The following PKHD1L1 variants were observed in gnomAD, a reference collection of about 807,000 sequenced individuals.
The protein encoded by PKHD1L1 is fibrocystin-L.
PKHD1L1 carries 434 observed loss-of-function variants against 462.9 expected under a neutral mutation model. That is an observed-to-expected ratio of 0.94 (90% CI 0.87 to 1.02). The LOEUF is 1.02. Among genes scored for constraint, PKHD1L1 ranks in the 50% least tolerant of loss-of-function variants. The pLI is 0.00. For missense variants in PKHD1L1, 5,202 were observed against 5,096.1 expected (o/e 1.02, Z -0.63); for synonymous variants, 1,781 against 1,750.0 (o/e 1.02, Z -0.44).
At position 109,518,205 on chromosome 8, in the gene PKHD1L1, GA is replaced by G. The variant is rs1200589045; in HGVS notation, c.11732del (p.Asn3911ThrfsTer27). 1 of 1,608,374 alleles carries G rather than the reference GA, an allele frequency of 6.2e-7. No individual in the cohort carries two copies. The highest frequency in any genetic ancestry group is 2.2e-5 in the East Asian group (1 of 44,746). ...TAACCTGGATTCCACTGTCCTTGGT[GA>G]AAACTACTTTGATGGAACCTACCAG... ...LPNLDSTVLG[E>X]NYFDGTYQML... On this transcript the variant is annotated frameshift_variant, in exon 73 of 78. Coordinates refer to ENST00000378402, the MANE Select transcript of PKHD1L1 (RefSeq NM_177531.6). LOFTEE classifies it high-confidence loss of function.
chr8:109,506,752 A>G (rs1819711150), intron 68 of PKHD1L1, among the ~76,000 whole-genome samples: 2 of 152,290 alleles, frequency 1.3e-5, no homozygotes, highest in South Asian at 4.1e-4. Flanking sequence ...TATCTTTCTC[A>G]TAGCAAAAAG....
At chr8:109,466,469 C>A in intron 49 of PKHD1L1, 109 bp from the exon 50 acceptor site, 3 of 1,146,276 alleles carry the variant, frequency 2.6e-6, no homozygotes, top group Non-Finnish European at 3.5e-6. Flanking sequence ...ACTACCCAGA[C>A]TTTTAGACTG....
chr8:109,389,274 T>G (rs927828702), intron 8 of PKHD1L1, 122 bp downstream of exon 8: 3 of 690,808 alleles, frequency 4.3e-6, no homozygotes, highest in South Asian at 2.6e-5. Context: ...TTGTTTGTTT[T>G]TTGTATTTTC....
In PKHD1L1 at chr8:109,466,667, G is replaced by A. The variant is rs1817457643; in HGVS notation, c.8503G>A (p.Gly2835Arg). 1.2e-6 allele frequency: 2 copies of A among 1,611,338 alleles called. No individual in the cohort carries two copies. The highest frequency in any genetic ancestry group is 1.7e-6 in the Non-Finnish European group (2 of 1,178,832). ...QEAEWSIGFP[G>R]SVCDASVSFH... ...AGCTGAGTGGAGCATTGGGTTCCCT[G>A]GATCAGTCTGTGATGCTTCAGTCAG... is the stretch of plus-strand genomic sequence containing the variant. Residue 2835 changes from glycine to arginine, a missense_variant, in exon 50 of 78, where the codon GGA (glycine) becomes AGA (arginine). This residue lies in a region of PKHD1L1 where 4,497 missense variants were observed against 4,336.8 expected (regional missense o/e 1.04). Coordinates refer to ENST00000378402, the MANE Select transcript of PKHD1L1 (RefSeq NM_177531.6).
intron 4 of PKHD1L1, among the ~76,000 whole-genome samples, chr8:109,383,188 T>TAA (rs1812236586): frequency 4.7e-5 from 5 of 105,836 alleles, no homozygotes; most frequent in African/African-American, 1.9e-4. Flanking sequence ...ATATATATAA[T>TAA]TATATATAAT....
chr8:109,364,075 T>A (rs149350809), intron 1 of PKHD1L1, among the ~76,000 whole-genome samples: 4 of 152,170 alleles, frequency 2.6e-5, no homozygotes, highest in African/African-American at 7.2e-5. Context: ...TCACAGAAAA[T>A]AATTTCTTCT....
In PKHD1L1 at chr8:109,506,373, A is replaced by G. The variant is rs544115712; in HGVS notation, c.10995-1290A>G. Among the ~76,000 whole-genome samples, 85 of 152,326 alleles carry G rather than the reference A, an allele frequency of 5.6e-4. No homozygotes were observed. In the South Asian group the frequency reaches 7.2e-3, roughly 13 times the overall value. On this transcript the variant is annotated intron_variant, in intron 68 of 77. Transcript: ENST00000378402. ...TAAAATGACTGACTGATTCAGGAGT[A>G]CAAGACTGGCTGCTTTGTCTTAAGG...
intron 40 of PKHD1L1, among the ~76,000 whole-genome samples, chr8:109,450,590 G>T (rs937871708): frequency 9.2e-5 from 14 of 152,120 alleles, no homozygotes; most frequent in African/African-American, 3.1e-4. Context: ...TGTAGTCCTT[G>T]TCTCTGACCT....
rs768821957 is a variant in PKHD1L1, at chr8:109,419,226, C to T, written c.2490C>T (p.Tyr830=). 6.2e-7 allele frequency: 1 copy of T among 1,610,488 alleles called. No homozygotes were observed. Among genetic ancestry groups the T allele is most frequent in the South Asian group, 1.1e-5 (1 of 90,524 alleles). Reference sequence around the variant, plus strand: ...AGTCCTTCTATGTGGATGTAGTGTACATTGGACACACATCTACAATCTCAA... The same window carrying T: ...AGTCCTTCTATGTGGATGTAGTGTATATTGGACACACATCTACAATCTCAA... ...ESQSFYVDVV[Y]IGHTSTISTL... Residue 830 remains tyrosine, a synonymous_variant, in exon 22 of 78, where the codon TAC becomes TAT. Coordinates refer to ENST00000378402, the MANE Select transcript of PKHD1L1 (RefSeq NM_177531.6).
At chr8:109,417,307 A>T (rs1586467690) in intron 21 of PKHD1L1, among the ~76,000 whole-genome samples, 1 of 152,132 alleles carries the variant, frequency 6.6e-6, no homozygotes, top group Non-Finnish European at 1.5e-5. Context: ...CATCTCATGT[A>T]CCCCACAAAT....
chr8:109,508,128 T>A lies in PKHD1L1; in HGVS notation c.11259T>A (p.Leu3753=). The part of the protein sequence containing the change: ...GIIRDSTCKY[L]PEWQSYQCFG... The stretch of plus-strand genomic sequence containing the variant: ...TTAGAGATTCAACCTGTAAGTACCT[T>A]CCAGAGTGGCAGAGCTATCAGTGCT... Residue 3753 remains leucine, a synonymous_variant, in exon 70 of 78, where the codon CTT becomes CTA. Coordinates refer to ENST00000378402, the MANE Select transcript of PKHD1L1 (RefSeq NM_177531.6). The A allele has an allele frequency of 6.2e-7, 1 of 1,612,482 alleles. No homozygotes were observed. Among genetic ancestry groups the A allele is most frequent in the Non-Finnish European group, 8.5e-7 (1 of 1,179,044 alleles).
intron 2 of PKHD1L1, among the ~76,000 whole-genome samples, chr8:109,375,160 T>G (rs1811745257): frequency 6.6e-6 from 1 of 152,210 alleles, no homozygotes; most frequent in South Asian, 2.1e-4. Flanking sequence ...GATTTGGTCT[T>G]TTCACATAGT....
At chr8:109,520,093 C>T (rs1051798585) in intron 73 of PKHD1L1, among the ~76,000 whole-genome samples, 4 of 152,076 alleles carry the variant, frequency 2.6e-5, no homozygotes, top group African/African-American at 9.7e-5. Context: ...GAAGGCTTGC[C>T]TGTGTGGAGG....
At chr8:109,466,464 C>A in intron 49 of PKHD1L1, 114 bp from the exon 50 acceptor site, 1 of 1,086,350 alleles carries the variant, frequency 9.2e-7, no homozygotes. Context: ...ACAAAACTAC[C>A]CAGACTTTTA....
At chr8:109,446,890 T>G (rs1194202257) in intron 38 of PKHD1L1, among the ~76,000 whole-genome samples, 1 of 152,118 alleles carries the variant, frequency 6.6e-6, no homozygotes, top group Non-Finnish European at 1.5e-5. Context: ...CAAGCAAAAT[T>G]AAATGTTAAG....
intron 18 of PKHD1L1, among the ~76,000 whole-genome samples, chr8:109,408,730 G>T (rs1813690608): frequency 6.6e-6 from 1 of 152,106 alleles, no homozygotes; most frequent in African/African-American, 2.4e-5. Flanking sequence ...AACAAAAAGG[G>T]TCAAAAAGAT....
In PKHD1L1 at chr8:109,443,683, T is replaced by C. The variant is rs1244810586; in HGVS notation, c.4572T>C (p.Pro1524=). ...CAGTTCTTTTGTCTAAAGGAGGACCTGAGAATTTGCACTTGGGAAGCTCTG... is the reference window on the plus strand; with the variant it reads ...CAGTTCTTTTGTCTAAAGGAGGACCCGAGAATTTGCACTTGGGAAGCTCTG... ...RSEATYAYGG[P]ENLHLGSSVA... is the part of the protein sequence containing the mutation. Residue 1524 remains proline (P), a synonymous_variant, in exon 37 of 78, where the codon CCT becomes CCC. Transcript: ENST00000378402. 6.2e-7 allele frequency: 1 copy of C among 1,610,768 alleles called. No homozygotes were observed. The highest frequency in any genetic ancestry group is 2.2e-5 in the East Asian group (1 of 44,838).
In PKHD1L1 at chr8:109,477,149, A is replaced by G. The variant is rs958250140; in HGVS notation, c.8918-76A>G. 7.4e-6 allele frequency: 11 copies of G among 1,491,108 alleles called. No homozygotes were observed. In the African/African-American group the frequency reaches 1.3e-4, roughly 17 times the overall value. 92.4% of individuals were successfully genotyped at this position (1,491,108 alleles called of 1,614,324 possible). A position where few individuals can be genotyped will look rare whatever the true frequency, so the allele number is the denominator to read the frequency against. ...AGTTACTACCTAAAGAACATTTTCC[A>G]AAATTCCATAATTTTGTTTACATTC... On this transcript the variant is annotated intron_variant, in intron 52 of 77. Coordinates refer to ENST00000378402, the MANE Select transcript of PKHD1L1 (RefSeq NM_177531.6).
intron 40 of PKHD1L1, 52 bp downstream of exon 40, chr8:109,449,539 A>G (rs1816366276): frequency 4.1e-6 from 6 of 1,458,514 alleles, no homozygotes; most frequent in Non-Finnish European, 5.5e-6. Context: ...TTAATTTTAT[A>G]AAGATCAGTT....
Sources: gnomAD v4.1 joint callset for allele counts (sites outside exome capture counted in the v4.1 genomes callset) on GRCh38, gnomAD v4.1.1 for gene constraint, gnomAD v4.1.1 regional missense constraint, MANE v1.5 for transcripts, NCBI Gene and HGNC (gene_info 2026-07-23, HGNC 2026-07-21) for gene names.